The following PANK4 variants were observed in gnomAD, a reference collection of about 807,000 sequenced individuals.
The protein encoded by PANK4 is pantothenate kinase 4 (inactive), also known as 4'-phosphopantetheine phosphatase.
In PANK4, 40 loss-of-function variants were observed where a neutral mutation model predicts 87.9. The observed-to-expected ratio is 0.46, with a 90% CI of 0.35 to 0.59. The LOEUF (loss-of-function observed/expected upper bound fraction) is 0.59. Ranked by LOEUF, PANK4 falls within the 20% of genes least tolerant of loss-of-function variation. PANK4 has a pLI of 0.00. For missense variants in PANK4, 926 were observed against 1,072.3 expected (o/e 0.86, Z 1.90); for synonymous variants, 524 against 467.4 (o/e 1.12, Z -1.56).
intron 1 of PANK4, among the ~76,000 whole-genome samples, chr1:2,524,014 CTGGTCCTGTGTTTCCTCTT>C (rs988762257): frequency 6.6e-6 from 1 of 152,236 alleles, no homozygotes; most frequent in Admixed American, 6.5e-5. Context: ...GCCATTCTCT[CTGGTCCTGTGTTTCCTCTT>C]TGGGCACCAA....
chr1:2,523,331 G>C (rs1267021600), intron 1 of PANK4, among the ~76,000 whole-genome samples: 1 of 152,162 alleles, frequency 6.6e-6, no homozygotes, highest in African/African-American at 2.4e-5. Flanking sequence ...GTGGCTTTAA[G>C]CCTCCTTATC....
chr1:2,518,192 C>T lies in PANK4; in HGVS notation c.1190G>A (p.Gly397Asp), dbSNP rs144881953. 1 of 1,609,738 alleles carries T rather than the reference C, an allele frequency of 6.2e-7. No homozygotes were observed. The highest frequency in any genetic ancestry group is 8.5e-7 in the Non-Finnish European group (1 of 1,179,376). Reference protein sequence around the residue: ...SGLMSASPELGPAQRARSGTF... With the variant: ...SGLMSASPELDPAQRARSGTF... ...GCCACTCCGCGCCCGCTGCGCCGGG[C>T]CGAGCTCGGGTGATGCACTCATCAG... is the stretch of plus-strand genomic sequence containing the variant. Residue 397 changes from glycine (G) to aspartate (D), a missense_variant, in exon 9 of 19, where the codon GGC becomes GAC. By Grantham distance (94) the Gly-to-Asp change is moderately conservative. Coordinates refer to ENST00000378466, the MANE Select transcript of PANK4 (RefSeq NM_018216.4).
intron 12 of PANK4, among the ~76,000 whole-genome samples, chr1:2,513,784 T>C (rs1553122162): frequency 1.3e-5 from 2 of 152,200 alleles, no homozygotes; most frequent in Non-Finnish European, 2.9e-5. Context: ...CACCCCTAAG[T>C]GGCCCCAGCA....
chr1:2,520,225 C>G lies in PANK4; in HGVS notation c.699+97G>C, dbSNP rs988916886. 4 of 1,177,116 alleles carry G rather than the reference C, an allele frequency of 3.4e-6. No individual in the cohort carries two copies. Among genetic ancestry groups the G allele is most frequent in the Non-Finnish European group, 5.0e-6 (4 of 794,440 alleles). 72.9% of individuals were successfully genotyped at this position (1,177,116 alleles called of 1,614,324 possible). On this transcript the variant is annotated intron_variant, in intron 5 of 18. Coordinates refer to ENST00000378466, the MANE Select transcript of PANK4 (RefSeq NM_018216.4). The surrounding 1 kb of genome is among the most constrained non-coding windows in gnomAD (Gnocchi z 6.2). ...ACTGACGCGAGTCAGGAGGGAGGCC[C>G]GGAAGCAGCTTTTGCACCGCCCAGC... is the stretch of plus-strand genomic sequence containing the variant.
At chr1:2,521,824 C>G in intron 1 of PANK4, 24 bp from the exon 2 acceptor site, 2 of 1,595,156 alleles carry the variant, frequency 1.3e-6, no homozygotes, top group Non-Finnish European at 1.7e-6. Flanking sequence ...ACAAACCGGG[C>G]AGGATTCAGG....
chr1:2,516,311 G>T (rs1441803236), intron 9 of PANK4, among the ~76,000 whole-genome samples: 1 of 152,106 alleles, frequency 6.6e-6, no homozygotes, highest in Non-Finnish European at 1.5e-5. Flanking sequence ...GTCCATGAAG[G>T]ACTATGGCAG....
Position 2,508,615 on chromosome 1 carries a change from T to C in PANK4, c.*232A>G. 8.2e-6 allele frequency: 2 copies of C among 244,946 alleles called. No homozygotes were observed. Among genetic ancestry groups the C allele is most frequent in the Non-Finnish European group, 7.4e-6 (1 of 134,336 alleles). 15.2% of individuals were successfully genotyped at this position (244,946 alleles called of 1,614,324 possible). On this transcript the variant is annotated 3_prime_UTR_variant, in exon 19 of 19. Coordinates refer to ENST00000378466, the MANE Select transcript of PANK4 (RefSeq NM_018216.4). The surrounding 1 kb of genome is among the most constrained non-coding windows in gnomAD (Gnocchi z 5.1). ...ATACCTGTATAGATCTCTCTATTTATATATATATATATATAAAAGGTTCTT... is the reference window on the plus strand; with the variant it reads ...ATACCTGTATAGATCTCTCTATTTACATATATATATATATAAAAGGTTCTT...
At chr1:2,518,098 C>T in intron 9 of PANK4, 66 bp downstream of exon 9, 1 of 949,692 alleles carries the variant, frequency 1.1e-6, no homozygotes, top group Non-Finnish European at 1.6e-6. Flanking sequence ...CGCTCAGGGA[C>T]AGGCGAGGTG....
chr1:2,509,592 A>G lies in PANK4; in HGVS notation c.2108+270T>C, dbSNP rs748754273. Among the ~76,000 whole-genome samples, 26 of 152,164 alleles carry G rather than the reference A, an allele frequency of 1.7e-4. No individual in the cohort carries two copies. The highest frequency in any genetic ancestry group is 3.7e-4 in the Non-Finnish European group (25 of 68,026). ...CCCAGGTCGCCCTCGGTCTCAGCTG[A>G]GTGGCCACAGGGACATTGGCCCCTC... is the stretch of plus-strand genomic sequence containing the variant. On this transcript the variant is annotated intron_variant, in intron 18 of 18. Transcript: ENST00000378466. This position sits in a 1 kb window ranked among gnomAD's most constrained non-coding sequence, Gnocchi z 4.9.
At chr1:2,511,445 G>A in intron 14 of PANK4, 58 bp from the exon 15 acceptor site, 3 of 1,342,936 alleles carry the variant, frequency 2.2e-6, no homozygotes, top group Non-Finnish European at 2.1e-6. Flanking sequence ...GGGTCAGGGA[G>A]ACGCGTCTTC....
At chr1:2,513,713 G>A (rs937178202) in intron 12 of PANK4, among the ~76,000 whole-genome samples, 1 of 152,222 alleles carries the variant, frequency 6.6e-6, no homozygotes, top group Admixed American at 6.5e-5. Flanking sequence ...GGCAGCCTGT[G>A]TCTGTCAGGA....
Position 2,509,192 on chromosome 1 carries a change from G to GC in PANK4, c.2109-133dup. ...CCTGATGTGGAGGCCTCCAAACCCA[G>GC]CCTCCGCCTGGTAGCTGCCTCAGCC... On this transcript the variant is annotated intron_variant, in intron 18 of 18. Coordinates refer to ENST00000378466, the MANE Select transcript of PANK4 (RefSeq NM_018216.4). This position sits in a 1 kb window ranked among gnomAD's most constrained non-coding sequence, Gnocchi z 4.9. 3 of 683,412 alleles carry GC rather than the reference G, an allele frequency of 4.4e-6. No homozygotes were observed. Among genetic ancestry groups the GC allele is most frequent in the Non-Finnish European group, 4.9e-6 (2 of 408,306 alleles). 42.3% of individuals were successfully genotyped at this position (683,412 alleles called of 1,614,324 possible).
chr1:2,510,984 C>T lies in PANK4; in HGVS notation c.1834-202G>A, dbSNP rs1201044614. On this transcript the variant is annotated intron_variant, in intron 15 of 18. Transcript: ENST00000378466. The surrounding 1 kb of genome is among the most constrained non-coding windows in gnomAD (Gnocchi z 4.9). The stretch of plus-strand genomic sequence containing the variant: ...GAGGTGCCGGGACTGGGCTGGGCTG[C>T]AGGGGCTGAGACCGGGACTTCAGGA... Among the ~76,000 whole-genome samples, 1 of 151,922 alleles carries T rather than the reference C, an allele frequency of 6.6e-6. No homozygotes were observed. The highest frequency in any genetic ancestry group is 1.5e-5 in the Non-Finnish European group (1 of 67,942).
chr1:2,518,429 C>T (rs922739106), intron 8 of PANK4, 87 bp downstream of exon 8: 29 of 1,226,448 alleles, frequency 2.4e-5, no homozygotes, highest in Non-Finnish European at 3.1e-5. Context: ...CACCCCACCT[C>T]CACCCTGGGC....
At chr1:2,522,609 C>CTAGAGTTGTA (rs1643884033) in intron 1 of PANK4, among the ~76,000 whole-genome samples, 2 of 151,724 alleles carry the variant, frequency 1.3e-5, no homozygotes, top group Non-Finnish European at 2.9e-5. Flanking sequence ...ATTGTTGAGG[C>CTAGAGTTGTA]TAGAGTTGTA....
chr1:2,518,867 C>T (rs549008171), intron 7 of PANK4, among the ~76,000 whole-genome samples: 92 of 152,386 alleles, frequency 6.0e-4, no homozygotes, highest in Middle Eastern at 6.8e-3. Flanking sequence ...GGGCGTGCCT[C>T]TGCGGGGGCA....
In PANK4 at chr1:2,515,901, C is replaced by A; in HGVS notation, c.1219-184G>T. On this transcript the variant is annotated intron_variant, in intron 9 of 18. Coordinates refer to ENST00000378466, the MANE Select transcript of PANK4 (RefSeq NM_018216.4). The surrounding 1 kb of genome is among the most constrained non-coding windows in gnomAD (Gnocchi z 5.0). ...CTGCCCGGCGGCCTGAGCCGGATAC[C>A]TTGACTTACCCCCTGGTTTGACACT... 1.6e-6 allele frequency: 1 copy of A among 631,288 alleles called. No homozygotes were observed. Among genetic ancestry groups the A allele is most frequent in the Non-Finnish European group, 2.8e-6 (1 of 363,310 alleles). The allele number at this position is 631,288 out of a possible 1,614,324, so 39.1% of individuals were successfully genotyped here. A position where few individuals can be genotyped will look rare whatever the true frequency, so the allele number is the denominator to read the frequency against.
intron 9 of PANK4, among the ~76,000 whole-genome samples, chr1:2,517,261 G>A (rs1018216966): frequency 1.3e-5 from 2 of 152,222 alleles, no homozygotes; most frequent in African/African-American, 2.4e-5. Context: ...GCGTCTGTGC[G>A]AGGCCGTGGC....
Position 2,519,893 on chromosome 1 carries a change from A to G in PANK4, c.761T>C (p.Val254Ala), listed in dbSNP as rs752685767. ...GTGGGCGCCGCCGTAGACGTCCCGC[A>G]CCAGCATGTCCACATTGCTGTGCTG... is the stretch of plus-strand genomic sequence containing the variant. ...RGQHSNVDML[V>A]RDVYGGAHQT... Residue 254 changes from valine (V) to alanine (A), a missense_variant, in exon 6 of 19, where the codon GTG (valine) becomes GCG (alanine). Transcript: ENST00000378466. The surrounding 1 kb of genome is among the most constrained non-coding windows in gnomAD (Gnocchi z 8.3). 1.9e-6 allele frequency: 3 copies of G among 1,567,976 alleles called. No homozygotes were observed. The highest frequency in any genetic ancestry group is 2.6e-6 in the Non-Finnish European group (3 of 1,156,530).
Sources: allele counts gnomAD v4.1 joint callset (sites outside exome capture counted in the v4.1 genomes callset), GRCh38; gene constraint gnomAD v4.1.1; non-coding constraint Gnocchi (gnomAD v3.1); transcripts MANE v1.5; gene names NCBI Gene and HGNC (gene_info 2026-07-23, HGNC 2026-07-21).